SAMD3: variants seen among roughly 807,000 people sequenced by gnomAD.
SAMD3 encodes the protein sterile alpha motif domain containing 3, also known as sterile alpha motif domain-containing protein 3.
Under a neutral mutation model 58.5 loss-of-function variants are expected in SAMD3, and 63 were observed. The ratio of observed to expected loss-of-function variants is 1.08; its 90% CI spans 0.88 to 1.33. SAMD3 has a LOEUF of 1.33. Ranked by LOEUF, SAMD3 falls within the 40% of genes most tolerant of loss-of-function variation. SAMD3 has a pLI of 0.00. For synonymous variants in SAMD3, 220 were observed against 210.3 expected, an observed-to-expected ratio of 1.05 and a Z score of -0.40; for missense variants, 604 against 608.4, an observed-to-expected ratio of 0.99 and a Z score of 0.08.
chr6:130,237,714 A>G (rs1285015679), intron 2 of SAMD3, among the ~76,000 whole-genome samples: 3 of 152,160 alleles, frequency 2.0e-5, no homozygotes, highest in South Asian at 2.1e-4. Flanking sequence ...TACATTACCA[A>G]CTCAAACTAC....
chr6:130,257,155 G>GTCTC (rs148601929), intron 2 of SAMD3, among the ~76,000 whole-genome samples: 2 of 150,242 alleles, frequency 1.3e-5, no homozygotes. Flanking sequence ...ATCTCTCTCT[G>GTCTC]TCTCTCTCTC....
At chr6:130,361,182 G>A (rs894756129) in intron 1 of SAMD3, among the ~76,000 whole-genome samples, 25 of 152,114 alleles carry the variant, frequency 1.6e-4, no homozygotes, top group African/African-American at 5.8e-4. Flanking sequence ...TATTGATTGG[G>A]GAAGTGATAA....
At chr6:130,295,890 G>A (rs1329705391) in intron 2 of SAMD3, among the ~76,000 whole-genome samples, 1 of 152,158 alleles carries the variant, frequency 6.6e-6, no homozygotes, top group Non-Finnish European at 1.5e-5. Flanking sequence ...GGCAAGTTTA[G>A]TTTTCCCAAA....
chr6:130,228,028 T>A (rs374291165), intron 2 of SAMD3, among the ~76,000 whole-genome samples: 2 of 152,276 alleles, frequency 1.3e-5, no homozygotes, highest in East Asian at 3.9e-4. Flanking sequence ...CAAGTAAAAC[T>A]AGTTACACTT....
At chr6:130,311,319 A>T (rs1413154287) in intron 2 of SAMD3, among the ~76,000 whole-genome samples, 1 of 152,180 alleles carries the variant, frequency 6.6e-6, no homozygotes, top group African/African-American at 2.4e-5. Flanking sequence ...TTTATGAGAG[A>T]CGAGGACATA....
chr6:130,235,056 T>C (rs4897382), intron 2 of SAMD3, among the ~76,000 whole-genome samples: 74,556 of 151,986 alleles, frequency 0.49, 22,314 homozygotes, highest in African/African-American at 0.85. Context: ...TCAAGGCTGC[T>C]GTGAGTGGTG....
chr6:130,350,759 G>C (rs1342918376), intron 1 of SAMD3, among the ~76,000 whole-genome samples: 4 of 152,226 alleles, frequency 2.6e-5, no homozygotes, highest in South Asian at 4.2e-4. Flanking sequence ...AGCCCACATT[G>C]CCAAGACAAT....
At chr6:130,215,082 T>C (rs1562458805) in intron 3 of SAMD3, 113 bp downstream of exon 3, 2 of 571,946 alleles carry the variant, frequency 3.5e-6, no homozygotes, top group Non-Finnish European at 6.2e-6. Flanking sequence ...CAACCCCACA[T>C]CCACATTGAC....
intron 5 of SAMD3, among the ~76,000 whole-genome samples, chr6:130,203,330 T>C (rs560783672): frequency 6.6e-6 from 1 of 152,352 alleles, no homozygotes; most frequent in Non-Finnish European, 1.5e-5. Context: ...TGAGACCTAG[T>C]AAGGTTATAT....
At chr6:130,260,707 G>A (rs143698790) in intron 2 of SAMD3, among the ~76,000 whole-genome samples, 341 of 152,334 alleles carry the variant, frequency 2.2e-3, no homozygotes, top group Admixed American at 3.6e-3. Context: ...TCCCTGCAGG[G>A]GACTCCAACC....
intron 2 of SAMD3, among the ~76,000 whole-genome samples, chr6:130,299,127 A>G (rs532121412): frequency 6.6e-6 from 1 of 152,310 alleles, no homozygotes; most frequent in East Asian, 1.9e-4. Flanking sequence ...AGACATCTAC[A>G]GAATATTCCA....
chr6:130,275,026 A>G (rs1191470292), intron 2 of SAMD3, among the ~76,000 whole-genome samples: 1 of 152,206 alleles, frequency 6.6e-6, no homozygotes, highest in Non-Finnish European at 1.5e-5. Context: ...CATGAAATGT[A>G]GAATTTCAGG....
chr6:130,245,613 G>A (rs778778878), intron 2 of SAMD3, among the ~76,000 whole-genome samples: 28 of 152,280 alleles, frequency 1.8e-4, no homozygotes, highest in African/African-American at 5.8e-4. Context: ...ATTGGTGGCC[G>A]CAACACAATA....
At chr6:130,294,312 T>C (rs984363417) in intron 2 of SAMD3, among the ~76,000 whole-genome samples, 2 of 152,356 alleles carry the variant, frequency 1.3e-5, no homozygotes, top group African/African-American at 4.8e-5. Context: ...TACACAACTC[T>C]GAAAATCACT....
intron 2 of SAMD3, among the ~76,000 whole-genome samples, chr6:130,308,944 T>C (rs1395361405): frequency 2.0e-5 from 3 of 152,168 alleles, no homozygotes; most frequent in Admixed American, 6.5e-5. Context: ...ATAATTATTA[T>C]CCTTATTTTA....
chr6:130,143,995 C>A (rs569266146), downstream of SAMD3: 8 of 153,552 alleles, frequency 5.2e-5, no homozygotes, highest in African/African-American at 1.9e-4. Context: ...ATGCCGCAGC[C>A]CTTATTCTCA....
At position 130,180,935 on chromosome 6, in the gene SAMD3, T is replaced by TTTC. The variant is rs1792250706; in HGVS notation, c.654+3167_654+3168insGAA. Among the ~76,000 whole-genome samples the TTTC allele has an allele frequency of 4.5e-5, 4 of 89,662 alleles. No homozygotes were observed. In the East Asian group the frequency reaches 1.6e-3, roughly 37 times the overall value. 58.8% of individuals were successfully genotyped at this position (89,662 alleles called of 152,430 possible). A position where few individuals can be genotyped will look rare whatever the true frequency, so the allele number is the denominator to read the frequency against. On this transcript the variant is annotated intron_variant, in intron 7 of 11. Transcript: ENST00000439090. ...TCAGATTTGAAACTTTTCTTTTCTTTTTTCTTTTTCTTTCTTTCTTTTTTC... is the reference window on the plus strand; with the variant it reads ...TCAGATTTGAAACTTTTCTTTTCTTTTTCTTTCTTTTTCTTTCTTTCTTTTTTC...
intron 1 of SAMD3, among the ~76,000 whole-genome samples, chr6:130,318,753 T>G (rs1214509861): frequency 6.6e-6 from 1 of 152,090 alleles, no homozygotes; most frequent in African/African-American, 2.4e-5. Flanking sequence ...TTAATAGGCA[T>G]GGAAAGACAC....
intron 8 of SAMD3, chr6:130,161,446 C>G (rs1790272702): frequency 6.6e-6 from 1 of 152,120 alleles, no homozygotes; most frequent in African/African-American, 2.4e-5. Context: ...CTCCAAAACT[C>G]TTACCCAATC....
Sources: gnomAD v4.1 joint callset for allele counts (sites outside exome capture counted in the v4.1 genomes callset) on GRCh38, gnomAD v4.1.1 for gene constraint, MANE v1.5 for transcripts, NCBI Gene and HGNC (gene_info 2026-07-23, HGNC 2026-07-21) for gene names.